The following STK4 variants were observed in gnomAD, a reference collection of about 807,000 sequenced individuals.
STK4 encodes serine/threonine kinase 4.
Under a neutral mutation model 64.9 loss-of-function variants are expected in STK4, and 30 were observed. That is an observed-to-expected ratio of 0.46 (90% confidence interval 0.35 to 0.63). STK4 has a LOEUF of 0.63. STK4 is among the 20% of genes least tolerant of loss of function. The pLI is 0.01. For missense variants in STK4, 466 were observed against 598.5 expected (o/e 0.78, Z 2.31); for synonymous variants, 177 against 199.0 (o/e 0.89, Z 0.93).
intron 10 of STK4, among the ~76,000 whole-genome samples, chr20:45,061,353 A>G (rs1978981895): frequency 6.6e-6 from 1 of 152,228 alleles, no homozygotes; most frequent in South Asian, 2.1e-4. Flanking sequence ...CGAATATTAA[A>G]TAGAAAATTC....
chr20:45,063,878 G>C (rs980901718), intron 10 of STK4, among the ~76,000 whole-genome samples: 1 of 151,848 alleles, frequency 6.6e-6, no homozygotes, highest in Admixed American at 6.6e-5. Flanking sequence ...TGTGATCTCG[G>C]CTCACTGCAA....
intron 10 of STK4, among the ~76,000 whole-genome samples, chr20:45,035,245 T>C (rs2068509144): frequency 6.6e-6 from 1 of 152,230 alleles, no homozygotes; most frequent in East Asian, 1.9e-4. Flanking sequence ...AACTTTAGTT[T>C]TAGCTGTCTT....
intron 7 of STK4, among the ~76,000 whole-genome samples, chr20:44,999,246 A>G (rs2067791748): frequency 1.3e-5 from 2 of 152,210 alleles, no homozygotes; most frequent in African/African-American, 4.8e-5. Flanking sequence ...AGTGGAAAGA[A>G]CAAGGCAATA....
intron 5 of STK4, among the ~76,000 whole-genome samples, chr20:44,989,770 G>A (rs1665121787): frequency 1.3e-5 from 2 of 152,136 alleles, no homozygotes; most frequent in Admixed American, 1.3e-4. Context: ...CATGGTGTGA[G>A]ATAGGCATCC....
At chr20:45,020,874 C>T (rs943414269) in intron 9 of STK4, among the ~76,000 whole-genome samples, 8 of 151,328 alleles carry the variant, frequency 5.3e-5, no homozygotes, top group Admixed American at 2.0e-4. Context: ...TACAGTTGTG[C>T]GATCATAGCT....
intron 5 of STK4, among the ~76,000 whole-genome samples, chr20:44,993,555 G>A (rs2067673700): frequency 6.6e-6 from 1 of 152,180 alleles, no homozygotes; most frequent in Non-Finnish European, 1.5e-5. Context: ...TTTTACATAG[G>A]ACTGACAATG....
chr20:45,033,882 T>C (rs1249226738), intron 10 of STK4, among the ~76,000 whole-genome samples: 3 of 152,110 alleles, frequency 2.0e-5, no homozygotes, highest in African/African-American at 7.2e-5. Flanking sequence ...GCCCAGCCAA[T>C]GTTTGAAAGG....
At chr20:45,014,070 C>G (rs6017464) in intron 9 of STK4, among the ~76,000 whole-genome samples, 66,301 of 151,802 alleles carry the variant, frequency 0.44, 15,088 homozygotes, top group Middle Eastern at 0.54. Context: ...TTTTTTAAAG[C>G]AGAAGAATTT....
intron 1 of STK4, chr20:44,967,380 C>A: frequency 3.8e-6 from 1 of 263,250 alleles, no homozygotes; most frequent in Middle Eastern, 2.0e-3. Context: ...CCAGTCTGTG[C>A]CCTTTTCAGG....
At chr20:45,049,459 G>A (rs1262614233) in intron 10 of STK4, among the ~76,000 whole-genome samples, 1 of 152,134 alleles carries the variant, frequency 6.6e-6, no homozygotes, top group Non-Finnish European at 1.5e-5. Flanking sequence ...TTCAAGTGGA[G>A]GTTTTCCACT....
Position 44,997,861 on chromosome 20 carries a change from G to C in STK4, c.831+555G>C, listed in dbSNP as rs1252466467. On this transcript the variant is annotated intron_variant, in intron 7 of 10. Transcript: ENST00000372806. ...AACTGACATTTAGTGAGTACCTGCTGTCCGCCACATACTTTGCATATGTGC... is the reference window on the plus strand; with the variant it reads ...AACTGACATTTAGTGAGTACCTGCTCTCCGCCACATACTTTGCATATGTGC... Among the ~76,000 whole-genome samples, 6 of 152,308 alleles carry C rather than the reference G, an allele frequency of 3.9e-5. No individual in the cohort carries two copies. The East Asian group carries it at 1.2e-3, about 29-fold the overall frequency.
intron 10 of STK4, among the ~76,000 whole-genome samples, chr20:45,036,030 G>A (rs2068522459): frequency 6.6e-6 from 1 of 152,270 alleles, no homozygotes; most frequent in African/African-American, 2.4e-5. Context: ...GAGATCTATT[G>A]TACAACATGG....
intron 9 of STK4, among the ~76,000 whole-genome samples, chr20:45,017,954 T>A (rs1044596136): frequency 2.6e-5 from 4 of 152,158 alleles, no homozygotes; most frequent in Admixed American, 2.6e-4. Context: ...AACTTATGAT[T>A]CCAGCAATTC....
chr20:45,074,984 T>C (rs1980395550), intron 10 of STK4, 34 bp from the exon 11 acceptor site: 1 of 1,613,044 alleles, frequency 6.2e-7, no homozygotes, highest in East Asian at 2.2e-5. Flanking sequence ...TGACTTAAGC[T>C]TTGTCGTGAC....
chr20:44,980,183 G>A (rs2067412942), intron 3 of STK4, among the ~76,000 whole-genome samples: 1 of 152,150 alleles, frequency 6.6e-6, no homozygotes. Flanking sequence ...TGATAGTAAT[G>A]GCCTACAGTA....
chr20:44,991,907 G>GC (rs1262426501), intron 5 of STK4, among the ~76,000 whole-genome samples: 2 of 151,990 alleles, frequency 1.3e-5, no homozygotes, highest in African/African-American at 2.4e-5. Context: ...CAAGCAATCT[G>GC]CCCCCCTTGG....
intron 10 of STK4, among the ~76,000 whole-genome samples, chr20:45,045,279 G>A (rs980072992): frequency 6.6e-6 from 1 of 152,128 alleles, no homozygotes; most frequent in African/African-American, 2.4e-5. Flanking sequence ...AGGTAGCAGG[G>A]TGGGGTTTCT....
intron 9 of STK4, among the ~76,000 whole-genome samples, chr20:45,007,519 C>T (rs1008550042): frequency 4.6e-5 from 7 of 151,002 alleles, no homozygotes; most frequent in Admixed American, 4.0e-4. Flanking sequence ...TGCACTCCAG[C>T]CCGGGTGACA....
intron 9 of STK4, among the ~76,000 whole-genome samples, chr20:45,011,729 A>ATATATATATATATTTTTT (rs60170856): frequency 1.7e-5 from 2 of 115,398 alleles, no homozygotes; most frequent in African/African-American, 7.3e-5. Context: ...ATATATATAT[A>ATATATATATATATTTTTT]TTTTTTTTTT....
Sources: gnomAD v4.1 joint callset for allele counts (sites outside exome capture counted in the v4.1 genomes callset) on GRCh38, gnomAD v4.1.1 for gene constraint, MANE v1.5 for transcripts, NCBI Gene and HGNC (gene_info 2026-07-23, HGNC 2026-07-21) for gene names.